Variants in LARGE1 observed in about 807,000 individuals in gnomAD.
LARGE1 encodes xylosyl- and glucuronyltransferase LARGE1.
Under a neutral mutation model 87.6 loss-of-function variants are expected in LARGE1, and 43 were observed. The ratio of observed to expected loss-of-function variants is 0.49; its 90% CI spans 0.38 to 0.63. The LOEUF (loss-of-function observed/expected upper bound fraction) is 0.63, where lower values mean the gene tolerates loss of function less well. LARGE1 is among the 30% of genes least tolerant of loss of function. The pLI, the probability that LARGE1 is intolerant of heterozygous loss-of-function variation, is 0.00. For missense variants in LARGE1, 802 were observed against 1,000.2 expected, an observed-to-expected ratio of 0.80 and a Z score of 2.67; for synonymous variants, 434 against 394.6, an observed-to-expected ratio of 1.10 and a Z score of -1.18.
chr22:33,068,313 G>A, the LARGE1 span, among the ~76,000 whole-genome samples: 9 of 152,140 alleles, frequency 5.9e-5, no homozygotes, highest in Non-Finnish European at 1.0e-4. Context: ...TCTCCATTAC[G>A]CTGCTATACT....
intron 9 of LARGE1, among the ~76,000 whole-genome samples, chr22:33,368,673 T>C (rs1332913232): frequency 6.6e-6 from 1 of 152,110 alleles, no homozygotes; most frequent in African/African-American, 2.4e-5. Flanking sequence ...TTTGGACAGA[T>C]ATATATACAG....
At chr22:33,913,165 C>A (rs928835050) in intron 1 of LARGE1, among the ~76,000 whole-genome samples, 2 of 152,082 alleles carry the variant, frequency 1.3e-5, no homozygotes, top group Admixed American at 6.5e-5. Flanking sequence ...TCATACACAC[C>A]GCCTCTCCTG....
At chr22:33,389,069 G>T (rs1440634709) in intron 7 of LARGE1, among the ~76,000 whole-genome samples, 1 of 152,242 alleles carries the variant, frequency 6.6e-6, no homozygotes, top group Non-Finnish European at 1.5e-5. Flanking sequence ...GCCTGGGCTA[G>T]GACTTGGTCA....
At chr22:33,506,197 A>AATAT (rs113938616) in intron 6 of LARGE1, among the ~76,000 whole-genome samples, 42 of 149,186 alleles carry the variant, frequency 2.8e-4, no homozygotes, top group South Asian at 8.5e-4. Flanking sequence ...TGTGCTACAT[A>AATAT]ATATATATAT....
At chr22:33,237,892 C>T (rs192204232) in intron 11 of LARGE1, among the ~76,000 whole-genome samples, 26 of 152,260 alleles carry the variant, frequency 1.7e-4, no homozygotes, top group Admixed American at 1.2e-3. Flanking sequence ...ATGTGCATAA[C>T]GCACGGGAGT....
chr22:33,348,710 CTTTTTGT>C (rs1042771034), intron 9 of LARGE1, among the ~76,000 whole-genome samples: 3 of 151,310 alleles, frequency 2.0e-5, no homozygotes, highest in African/African-American at 7.3e-5. Flanking sequence ...GAGAAATTTG[CTTTTTGT>C]TTTTTTTTTT....
chr22:33,527,786 G>T (rs1034865139), intron 6 of LARGE1, among the ~76,000 whole-genome samples: 26 of 152,064 alleles, frequency 1.7e-4, no homozygotes, highest in African/African-American at 6.3e-4. Context: ...GGGGAGAAAG[G>T]GCCCAGGAGA....
chr22:33,514,850 C>T (rs896039915), intron 6 of LARGE1, among the ~76,000 whole-genome samples: 3 of 152,078 alleles, frequency 2.0e-5, no homozygotes, highest in East Asian at 3.9e-4. Flanking sequence ...TAGAAGGGGA[C>T]AGCCAAGGCC....
chr22:33,511,904 TG>T (rs2071074407), intron 6 of LARGE1, among the ~76,000 whole-genome samples: 2 of 152,220 alleles, frequency 1.3e-5, no homozygotes, highest in Admixed American at 1.3e-4. Flanking sequence ...TACAAGTGGA[TG>T]GGACTGTAGC....
intron 6 of LARGE1, 32 bp from the exon 7 acceptor site, chr22:33,432,297 AAGG>A (rs778124185): frequency 2.0e-5 from 31 of 1,545,954 alleles, no homozygotes; most frequent in Non-Finnish European, 1.1e-5. Flanking sequence ...AACATCTTAA[AAGG>A]AGAAGCCAAG....
intron 2 of LARGE1, among the ~76,000 whole-genome samples, chr22:33,742,009 G>C (rs1228063926): frequency 1.3e-5 from 2 of 152,184 alleles, no homozygotes; most frequent in African/African-American, 4.8e-5. Context: ...CTGTGTTTCT[G>C]CAGTTCATTT....
At chr22:33,689,523 T>C (rs1287090042) in intron 2 of LARGE1, among the ~76,000 whole-genome samples, 1 of 151,424 alleles carries the variant, frequency 6.6e-6, no homozygotes, top group African/African-American at 2.4e-5. Context: ...AAAAAGGAAA[T>C]GGGTACTGGG....
chr22:33,750,579 AG>A (rs1195382859), intron 2 of LARGE1: 1 of 134,926 alleles, frequency 7.4e-6, no homozygotes, highest in African/African-American at 3.5e-5. Flanking sequence ...CAATAATAAA[AG>A]GTTTTTTTTT....
chr22:33,454,510 T>C (rs1264004938), intron 6 of LARGE1, among the ~76,000 whole-genome samples: 1 of 151,340 alleles, frequency 6.6e-6, no homozygotes, highest in African/African-American at 2.4e-5. Context: ...TCCCAGCTAC[T>C]TGGGAAGCTA....
At chr22:33,356,334 C>T (rs975653986) in intron 9 of LARGE1, among the ~76,000 whole-genome samples, 1 of 152,190 alleles carries the variant, frequency 6.6e-6, no homozygotes, top group African/African-American at 2.4e-5. Context: ...CACCCAAGGT[C>T]CCGTCTGCTT....
intron 6 of LARGE1, among the ~76,000 whole-genome samples, chr22:33,521,729 A>G (rs1048497171): frequency 6.6e-6 from 1 of 152,186 alleles, no homozygotes; most frequent in Non-Finnish European, 1.5e-5. Flanking sequence ...CTCACATTCT[A>G]ATGCAGAGTA....
intron 6 of LARGE1, among the ~76,000 whole-genome samples, chr22:33,497,159 T>G (rs891812008): frequency 1.3e-5 from 2 of 150,136 alleles, no homozygotes; most frequent in Non-Finnish European, 3.0e-5. Context: ...CACTGCAACC[T>G]CTGACTCCCT....
chr22:33,415,623 G>A (rs928070308), intron 7 of LARGE1, among the ~76,000 whole-genome samples: 9 of 152,186 alleles, frequency 5.9e-5, no homozygotes, highest in Admixed American at 2.0e-4. Flanking sequence ...AGTCTCATAG[G>A]AGGGGGCTCT....
intron 1 of LARGE1, among the ~76,000 whole-genome samples, chr22:33,782,014 G>A (rs2085438709): frequency 6.6e-6 from 1 of 152,094 alleles, no homozygotes; most frequent in Non-Finnish European, 1.5e-5. Flanking sequence ...GCTTGGGGAG[G>A]AGGTAGTTCT....
Sources: gnomAD v4.1 joint callset for allele counts (sites outside exome capture counted in the v4.1 genomes callset) on GRCh38, gnomAD v4.1.1 for gene constraint, MANE v1.5 for transcripts, NCBI Gene and HGNC (gene_info 2026-07-23, HGNC 2026-07-21) for gene names.